Variants in IBTK observed in about 807,000 individuals in gnomAD.
IBTK encodes BTK-binding protein.
A neutral mutation model predicts 154.9 loss-of-function variants in IBTK; 83 were observed. That is an observed-to-expected ratio of 0.54 (90% CI 0.45 to 0.64). The LOEUF (loss-of-function observed/expected upper bound fraction) is 0.64, where lower values mean the gene tolerates loss of function less well. Among genes scored for constraint, IBTK ranks in the 30% least tolerant of loss-of-function variants. IBTK has a pLI of 0.00. For missense variants in IBTK, 1,332 were observed against 1,584.6 expected (o/e 0.84, Z 2.71); for synonymous variants, 515 against 536.1 (o/e 0.96, Z 0.54).
chr6:82,230,966 C>G (rs937529300), intron 4 of IBTK, among the ~76,000 whole-genome samples: 6 of 152,174 alleles, frequency 3.9e-5, no homozygotes, highest in African/African-American at 1.2e-4. Flanking sequence ...CATCTAAGGG[C>G]AAATTTTTGA....
rs895238210 is a variant in IBTK, at chr6:82,214,084, T to C, written c.2204+143A>G. 4.4e-6 allele frequency: 3 copies of C among 679,010 alleles called. No individual in the cohort carries two copies. The African/African-American group carries it at 5.5e-5, about 12-fold the overall frequency. 42.1% of individuals were successfully genotyped at this position (679,010 alleles called of 1,614,324 possible). On this transcript the variant is annotated intron_variant, in intron 12 of 28. Coordinates refer to ENST00000306270, the MANE Select transcript of IBTK (RefSeq NM_015525.4). ...CATTCTCCTGCCTCAGCCTCCTGAG[T>C]AGCTGGGACTACAGGCGCCCGCCAC...
chr6:82,211,512 T>A lies in IBTK; in HGVS notation c.2352A>T (p.Lys784Asn). The A allele has an allele frequency of 6.2e-7, 1 of 1,613,616 alleles. No individual in the cohort carries two copies. The highest frequency in any genetic ancestry group is 8.5e-7 in the Non-Finnish European group (1 of 1,179,624). ...SVDGKEFPCHKCVLCARLEYF... is the reference protein window; with the variant it reads ...SVDGKEFPCHNCVLCARLEYF... ...TACCAAGTCTAGCACAAAGAACACA[T>A]TTATGACAAGGAAATTCCTTTCCAT... The change falls in exon 14 of 29, where the codon AAA becomes AAT. Residue 784 changes from lysine (K) to asparagine (N), a missense_variant. Around this residue, in one of 3 missense-constraint regions of IBTK, gnomAD observed 1,134 missense variants for 1,274.7 expected, o/e 0.89. Coordinates refer to ENST00000306270, the MANE Select transcript of IBTK (RefSeq NM_015525.4).
intron 25 of IBTK, among the ~76,000 whole-genome samples, chr6:82,190,078 AC>A (rs1169469258): frequency 1.3e-5 from 2 of 151,962 alleles, no homozygotes; most frequent in African/African-American, 4.8e-5. Context: ...CTCCAGTTTT[AC>A]CCTCTTTTCT....
At chr6:82,234,296 T>C in intron 2 of IBTK, 41 bp from the exon 3 acceptor site, 1 of 736,020 alleles carries the variant, frequency 1.4e-6, no homozygotes. Flanking sequence ...TATATATATA[T>C]TATTAATTAC....
At chr6:82,209,893 T>C (rs1399441505) in intron 16 of IBTK, among the ~76,000 whole-genome samples, 2 of 152,180 alleles carry the variant, frequency 1.3e-5, no homozygotes, top group Non-Finnish European at 2.9e-5. Context: ...TAAAAATGCA[T>C]CTGCTTTTTA....
At chr6:82,178,455 A>G (rs1285890027) in intron 26 of IBTK, among the ~76,000 whole-genome samples, 1 of 152,204 alleles carries the variant, frequency 6.6e-6, no homozygotes. Context: ...TATATCTAAG[A>G]CATGCAATAT....
At position 82,211,591 on chromosome 6, in the gene IBTK, T is replaced by C. The variant is rs771772460; in HGVS notation, c.2292-19A>G. The C allele has an allele frequency of 1.1e-5, 17 of 1,587,924 alleles. No individual in the cohort carries two copies. Among genetic ancestry groups the C allele is most frequent in the African/African-American group, 2.7e-5 (2 of 74,424 alleles). On this transcript the variant is annotated intron_variant, in intron 13 of 28. Coordinates refer to ENST00000306270, the MANE Select transcript of IBTK (RefSeq NM_015525.4). ...AAATGAACTGCAAGAAAATGTTTAA[T>C]TGAAGCAAGAGCAATTTCTTTACAT...
At chr6:82,198,301 T>G (rs1186258646) in intron 21 of IBTK, among the ~76,000 whole-genome samples, 3 of 152,108 alleles carry the variant, frequency 2.0e-5, no homozygotes, top group Non-Finnish European at 2.9e-5. Flanking sequence ...CACCCCTGCC[T>G]CCTTCTAAAC....
chr6:82,177,140 C>T (rs1768150857), intron 26 of IBTK, among the ~76,000 whole-genome samples: 1 of 152,054 alleles, frequency 6.6e-6, no homozygotes. Flanking sequence ...TCATTTGGTA[C>T]TTCATCATAT....
At chr6:82,245,785 G>A (rs1027234960) in intron 1 of IBTK, among the ~76,000 whole-genome samples, 3 of 152,048 alleles carry the variant, frequency 2.0e-5, no homozygotes, top group African/African-American at 7.2e-5. Flanking sequence ...AAAAAGGGCA[G>A]GCAATCCAAA....
chr6:82,200,454 G>T, intron 20 of IBTK, 133 bp downstream of exon 20: 1 of 891,982 alleles, frequency 1.1e-6, no homozygotes, highest in Non-Finnish European at 1.7e-6. Context: ...TATTTCTTAT[G>T]TCAGAATTTC....
At position 82,211,633 on chromosome 6, in the gene IBTK, T is replaced by C. The variant is rs1582222891; in HGVS notation, c.2292-61A>G. ...TCTTTACATATTTAGTGAAAAAGAT[T>C]ATAGGATTTGGCTTAACTTTCAGTT... is the stretch of plus-strand genomic sequence containing the variant. On this transcript the variant is annotated intron_variant, in intron 13 of 28. Transcript: ENST00000306270. 7 of 1,371,520 alleles carry C rather than the reference T, an allele frequency of 5.1e-6. No individual in the cohort carries two copies. The East Asian group carries it at 9.4e-5, about 18-fold the overall frequency. 85.0% of individuals were successfully genotyped at this position (1,371,520 alleles called of 1,614,324 possible).
At chr6:82,185,925 T>C (rs966773817) in intron 25 of IBTK, among the ~76,000 whole-genome samples, 1 of 152,190 alleles carries the variant, frequency 6.6e-6, no homozygotes, top group Non-Finnish European at 1.5e-5. Context: ...CAACCTTGCA[T>C]GGAGCAAGTA....
chr6:82,189,782 A>T (rs1317211329), intron 25 of IBTK, among the ~76,000 whole-genome samples: 1 of 152,232 alleles, frequency 6.6e-6, no homozygotes, highest in Non-Finnish European at 1.5e-5. Flanking sequence ...GCTTACAGCT[A>T]TATTACCAAG....
chr6:82,206,773 A>G (rs1191273312), intron 16 of IBTK, among the ~76,000 whole-genome samples: 1 of 152,206 alleles, frequency 6.6e-6, no homozygotes, highest in Non-Finnish European at 1.5e-5. Context: ...ATCCAAAACG[A>G]AAGGATGATT....
At chr6:82,234,485 T>A (rs545167652) in intron 2 of IBTK, among the ~76,000 whole-genome samples, 2 of 151,428 alleles carry the variant, frequency 1.3e-5, no homozygotes, top group African/African-American at 4.9e-5. Context: ...ATTACAGGCA[T>A]CCACCACCAC....
intron 19 of IBTK, 45 bp from the exon 20 acceptor site, chr6:82,200,753 G>GTTTTTTTTTTT (rs138809525): frequency 3.1e-5 from 12 of 393,384 alleles, no homozygotes; most frequent in South Asian, 1.3e-4. Flanking sequence ...AATCTGTGAA[G>GTTTTTTTTTTT]TTTTTTTTTT....
intron 1 of IBTK, among the ~76,000 whole-genome samples, chr6:82,245,192 A>G (rs1163422453): frequency 2.6e-5 from 4 of 152,162 alleles, no homozygotes; most frequent in Non-Finnish European, 5.9e-5. Flanking sequence ...GACACATAGG[A>G]ACGGGGAGTG....
chr6:82,202,745 GA>G (rs1216130994), intron 17 of IBTK, 100 bp from the exon 18 acceptor site: 1 of 650,582 alleles, frequency 1.5e-6, no homozygotes, highest in East Asian at 3.0e-5. Flanking sequence ...TGAACATTTG[GA>G]ATAAAGAAAA....
Sources: allele counts gnomAD v4.1 joint callset (sites outside exome capture counted in the v4.1 genomes callset), GRCh38; gene constraint gnomAD v4.1.1; regional missense constraint gnomAD v4.1.1; transcripts MANE v1.5; gene names NCBI Gene and HGNC (gene_info 2026-07-23, HGNC 2026-07-21).